The following COL24A1 variants were observed in gnomAD, a reference collection of about 807,000 sequenced individuals.
The protein encoded by COL24A1 is collagen alpha-1(XXIV) chain.
In COL24A1, 224 loss-of-function variants were observed where a neutral mutation model predicts 253.9. The observed-to-expected ratio is 0.88, with a 90% CI of 0.79 to 0.99. The LOEUF (loss-of-function observed/expected upper bound fraction) is 0.99, where lower values mean the gene tolerates loss of function less well. Ranked by LOEUF, COL24A1 falls within the 50% of genes least tolerant of loss-of-function variation. COL24A1 has a pLI of 0.00. For synonymous variants in COL24A1, 685 were observed against 673.7 expected, an observed-to-expected ratio of 1.02 and a Z score of -0.26; for missense variants, 2,131 against 2,068.5, an observed-to-expected ratio of 1.03 and a Z score of -0.59.
chr1:85,958,583 T>C (rs1690714736), intron 24 of COL24A1, among the ~76,000 whole-genome samples: 1 of 152,166 alleles, frequency 6.6e-6, no homozygotes, highest in South Asian at 2.1e-4. Context: ...TGGAAGAACC[T>C]ATTTGAGTGT....
At chr1:85,943,367 C>G (rs954252396) in intron 24 of COL24A1, among the ~76,000 whole-genome samples, 1 of 152,216 alleles carries the variant, frequency 6.6e-6, no homozygotes, top group South Asian at 2.1e-4. Context: ...AGCCAATTCT[C>G]TTAGTAAGTC....
At chr1:86,089,677 G>A (rs1326304036) in intron 6 of COL24A1, among the ~76,000 whole-genome samples, 1 of 152,054 alleles carries the variant, frequency 6.6e-6, no homozygotes, top group Non-Finnish European at 1.5e-5. Flanking sequence ...AAAACTAGCC[G>A]GGCATGGTGT....
intron 47 of COL24A1, among the ~76,000 whole-genome samples, chr1:85,816,554 A>T (rs1402745295): frequency 6.6e-6 from 1 of 152,220 alleles, no homozygotes; most frequent in Admixed American, 6.5e-5. Context: ...TTATATTTTT[A>T]AAATGGCATG....
chr1:86,110,888 C>T (rs1275123997), intron 5 of COL24A1, among the ~76,000 whole-genome samples: 5 of 152,128 alleles, frequency 3.3e-5, no homozygotes, highest in African/African-American at 1.2e-4. Flanking sequence ...CCTCCTTCTC[C>T]GTGGTGCCTG....
chr1:86,095,741 A>G (rs2102000437), intron 5 of COL24A1, among the ~76,000 whole-genome samples: 1 of 152,214 alleles, frequency 6.6e-6, no homozygotes. Flanking sequence ...ACTTCCACTT[A>G]CTTCTGCATG....
chr1:85,871,417 C>G (rs1473378897), intron 35 of COL24A1, among the ~76,000 whole-genome samples: 1 of 152,190 alleles, frequency 6.6e-6, no homozygotes, highest in East Asian at 1.9e-4. Context: ...AGACCAATAT[C>G]CCTGATGAAC....
intron 24 of COL24A1, among the ~76,000 whole-genome samples, chr1:85,918,377 A>G (rs902439941): frequency 6.6e-6 from 1 of 152,032 alleles, no homozygotes; most frequent in African/African-American, 2.4e-5. Context: ...TTACCCACCT[A>G]TTGGTTTATG....
chr1:85,907,174 T>C lies in COL24A1; in HGVS notation c.2778+20A>G. 6.2e-7 allele frequency: 1 copy of C among 1,606,412 alleles called. No individual in the cohort carries two copies. Among genetic ancestry groups the C allele is most frequent in the Non-Finnish European group, 8.5e-7 (1 of 1,174,158 alleles). On this transcript the variant is annotated intron_variant, in intron 28 of 59. Transcript: ENST00000370571. ...GTAATTTTGGGGGGGTTAATGTACT[T>C]TTTTCCTTAGATTACTTACTCTTTG...
rs544449402 is a variant in COL24A1, at chr1:86,075,757, G to A, written c.1708-11998C>T. 9.9e-5 allele frequency among the ~76,000 whole-genome samples: 15 copies of A among 152,140 alleles called. No homozygotes were observed. In the South Asian group the frequency reaches 2.5e-3, roughly 25 times the overall value. ...GTTCAACATACACAAATCAATCAAC[G>A]TAATCCATCACATAAACAGAACCAA... On this transcript the variant is annotated intron_variant, in intron 7 of 59. Transcript: ENST00000370571.
chr1:85,903,296 G>T (rs968261428), intron 28 of COL24A1, among the ~76,000 whole-genome samples: 2 of 152,164 alleles, frequency 1.3e-5, no homozygotes, highest in African/African-American at 4.8e-5. Context: ...CTCTAGGAAA[G>T]CTTGGTACTC....
At chr1:86,154,016 C>T (rs1438663349) in intron 1 of COL24A1, 4 of 152,026 alleles carry the variant, frequency 2.6e-5, no homozygotes, top group Non-Finnish European at 4.4e-5. Flanking sequence ...TTTTAAAAAG[C>T]GCTCCCTCTC....
intron 19 of COL24A1, among the ~76,000 whole-genome samples, chr1:85,989,732 G>C (rs472154): frequency 0.71 from 108,067 of 151,980 alleles, 38,678 homozygotes; most frequent in African/African-American, 0.77. Context: ...TTCATACTCT[G>C]ATAATATATA....
chr1:85,782,365 G>T (rs1456695916), intron 51 of COL24A1, among the ~76,000 whole-genome samples: 1 of 152,216 alleles, frequency 6.6e-6, no homozygotes, highest in African/African-American at 2.4e-5. Context: ...TGGGATTACA[G>T]GTGTGAGCCA....
chr1:85,797,636 C>T (rs188126974), intron 47 of COL24A1, among the ~76,000 whole-genome samples: 38 of 152,224 alleles, frequency 2.5e-4, no homozygotes, highest in Non-Finnish European at 4.3e-4. Context: ...TGTGAACCTG[C>T]GGAAGTTATT....
At chr1:86,073,210 G>A (rs1701994700) in intron 7 of COL24A1, among the ~76,000 whole-genome samples, 2 of 152,120 alleles carry the variant, frequency 1.3e-5, no homozygotes, top group Admixed American at 1.3e-4. Flanking sequence ...CCTAATGCAA[G>A]GAAGCTAAGA....
intron 7 of COL24A1, among the ~76,000 whole-genome samples, chr1:86,065,234 T>C (rs1701382926): frequency 6.6e-6 from 1 of 152,192 alleles, no homozygotes; most frequent in Admixed American, 6.5e-5. Flanking sequence ...TATTTACTTA[T>C]TTTAAATTCT....
Position 86,156,655 on chromosome 1 carries a change from G to T in COL24A1, c.-259C>A, listed in dbSNP as rs533513926. ...CCCAGGGTTGCGCTCCCCGGGGAGGGCGGGCGAGGAGGTAAACCTCACTGG... is the reference window on the plus strand; with the variant it reads ...CCCAGGGTTGCGCTCCCCGGGGAGGTCGGGCGAGGAGGTAAACCTCACTGG... On this transcript the variant is annotated 5_prime_UTR_variant, in exon 1 of 60. Coordinates refer to ENST00000370571, the MANE Select transcript of COL24A1 (RefSeq NM_152890.7). 545 of 342,432 alleles carry T rather than the reference G, an allele frequency of 1.6e-3. 4 individuals are homozygous for T. Among genetic ancestry groups the T allele is most frequent in the African/African-American group, 0.011 (522 of 47,050 alleles). 21.2% of individuals were successfully genotyped at this position (342,432 alleles called of 1,614,324 possible).
intron 28 of COL24A1, among the ~76,000 whole-genome samples, chr1:85,896,751 G>T (rs897000174): frequency 6.6e-6 from 1 of 152,136 alleles, no homozygotes; most frequent in Non-Finnish European, 1.5e-5. Context: ...ACCCGCCTCG[G>T]CCTCCCACAG....
intron 24 of COL24A1, among the ~76,000 whole-genome samples, chr1:85,912,306 G>C (rs188498220): frequency 1.3e-5 from 2 of 151,918 alleles, no homozygotes; most frequent in Admixed American, 6.6e-5. Context: ...TTGTCTTTAC[G>C]GATTCTCAAT....
Sources: gnomAD v4.1 joint callset for allele counts (sites outside exome capture counted in the v4.1 genomes callset) on GRCh38, gnomAD v4.1.1 for gene constraint, MANE v1.5 for transcripts, NCBI Gene and HGNC (gene_info 2026-07-23, HGNC 2026-07-21) for gene names.